Variants in CTNNAL1 observed in about 807,000 individuals in gnomAD.
CTNNAL1 encodes the protein catenin alpha like 1.
CTNNAL1 carries 69 observed loss-of-function variants against 93.6 expected under a neutral mutation model. The ratio of observed to expected loss-of-function variants is 0.74; its 90% CI spans 0.61 to 0.90. The LOEUF (loss-of-function observed/expected upper bound fraction) is 0.90. Among genes scored for constraint, CTNNAL1 ranks in the 40% least tolerant of loss-of-function variants. CTNNAL1 has a pLI of 0.00. For missense variants in CTNNAL1, 836 were observed against 862.0 expected (o/e 0.97, Z 0.38); for synonymous variants, 286 against 305.4 (o/e 0.94, Z 0.66).
At chr9:108,956,871 G>A (rs566639612) in intron 11 of CTNNAL1, among the ~76,000 whole-genome samples, 1 of 152,044 alleles carries the variant, frequency 6.6e-6, no homozygotes, top group East Asian at 1.9e-4. Flanking sequence ...CATCTAGTCT[G>A]TACTGAGATG....
In CTNNAL1 at chr9:108,943,014, T is replaced by G; in HGVS notation, c.2086A>C (p.Met696Leu). The change falls in exon 18 of 19, where the codon ATG (methionine) becomes CTG (leucine). Residue 696 changes from methionine to leucine, a missense_variant. By Grantham distance (15) the Met-to-Leu change is conservative (BLOSUM62 2). Transcript: ENST00000325551. ...AGAAGTTGGACTAAGAGAGCCATCA[T>G]GGATCTTGTCTTCGTAATACACTTG... is the stretch of plus-strand genomic sequence containing the variant. ...VDKCITKTRS[M>L]MALLVQLLSL... The G allele has an allele frequency of 6.2e-7, 1 of 1,612,768 alleles. No homozygotes were observed. The highest frequency in any genetic ancestry group is 1.3e-5 in the African/African-American group (1 of 75,008).
At position 108,982,130 on chromosome 9, in the gene CTNNAL1, G is replaced by C. The variant is rs140275169; in HGVS notation, c.900+1015C>G. 2.6e-3 allele frequency among the ~76,000 whole-genome samples: 391 copies of C among 152,202 alleles called. 2 individuals are homozygous for C. Among genetic ancestry groups the C allele is most frequent in the South Asian group, 8.9e-3 (43 of 4,820 alleles). On this transcript the variant is annotated intron_variant, in intron 6 of 18. Coordinates refer to ENST00000325551, the MANE Select transcript of CTNNAL1 (RefSeq NM_003798.4). ...CTCAGACACTGCTCTTACCCAGAAA[G>C]CATCTTCACCATGTCTATGACTTCT...
At chr9:108,966,921 C>G (rs530034065) in intron 10 of CTNNAL1, among the ~76,000 whole-genome samples, 1 of 152,050 alleles carries the variant, frequency 6.6e-6, no homozygotes, top group Non-Finnish European at 1.5e-5. Context: ...CCAGACCCAA[C>G]CTACTGAAAT....
intron 9 of CTNNAL1, 79 bp downstream of exon 9, chr9:108,972,596 T>G: frequency 1.6e-6 from 2 of 1,235,226 alleles, no homozygotes; most frequent in Non-Finnish European, 2.3e-6. Context: ...AACCCAAAAC[T>G]GTATTTGTGT....
At chr9:109,012,140 A>T (rs1827222805) in intron 1 of CTNNAL1, among the ~76,000 whole-genome samples, 1 of 152,238 alleles carries the variant, frequency 6.6e-6, no homozygotes, top group Admixed American at 6.5e-5. Context: ...TGAAGAAAAT[A>T]GGGATGTTTA....
intron 3 of CTNNAL1, among the ~76,000 whole-genome samples, chr9:108,992,227 G>A (rs542069896): frequency 3.1e-4 from 47 of 152,240 alleles, no homozygotes; most frequent in African/African-American, 1.0e-3. Context: ...GATTCTCTAA[G>A]AGGAGACATT....
intron 3 of CTNNAL1, among the ~76,000 whole-genome samples, chr9:108,992,362 A>G (rs1831840619): frequency 6.6e-6 from 1 of 152,056 alleles, no homozygotes; most frequent in South Asian, 2.1e-4. Flanking sequence ...TTGCCAAATT[A>G]CTTACAATTA....
chr9:109,013,343 T>C lies in CTNNAL1; in HGVS notation c.100A>G (p.Thr34Ala), dbSNP rs1488812225. 6.6e-7 allele frequency: 1 copy of C among 1,514,698 alleles called. No homozygotes were observed. The allele number at this position is 1,514,698 out of a possible 1,614,324, so 93.8% of individuals were successfully genotyped here. ...FALDSGLEIK[T>A]RSVEQTLLPL... is the part of the protein sequence containing the mutation. ...AGTAGCGTCTGCTCCACCGAGCGAG[T>C]TTTGATCTCCAGTCCCGAGTCGAGG... Residue 34 changes from threonine (T) to alanine (A), a missense_variant, in exon 1 of 19, where the codon ACT becomes GCT. Transcript: ENST00000325551.
At chr9:108,969,685 C>T (rs1462698603) in intron 10 of CTNNAL1, among the ~76,000 whole-genome samples, 1 of 152,086 alleles carries the variant, frequency 6.6e-6, no homozygotes, top group Non-Finnish European at 1.5e-5. Context: ...TAGACTCTTG[C>T]TCTGTCACCC....
At chr9:108,982,622 A>G (rs1040193572) in intron 6 of CTNNAL1, among the ~76,000 whole-genome samples, 6 of 152,238 alleles carry the variant, frequency 3.9e-5, no homozygotes, top group Non-Finnish European at 7.3e-5. Context: ...CTATAACCAA[A>G]GACCAGTGTT....
At chr9:109,000,701 AG>A (rs1399791563) in intron 1 of CTNNAL1, among the ~76,000 whole-genome samples, 2 of 150,086 alleles carry the variant, frequency 1.3e-5, no homozygotes, top group Middle Eastern at 3.4e-3. Flanking sequence ...GAAACAGTGG[AG>A]GAAAAAAAAA....
At chr9:108,964,620 C>CAAGGAAAGAGATTCCATCCAAGTGG (rs1462920079) in intron 11 of CTNNAL1, among the ~76,000 whole-genome samples, 1 of 152,030 alleles carries the variant, frequency 6.6e-6, no homozygotes, top group African/African-American at 2.4e-5. Flanking sequence ...ATGTAGTCAT[C>CAAGGAAAGAGATTCCATCCAAGTGG]AAGGAAAGAG....
At chr9:109,004,379 G>A (rs10979650) in intron 1 of CTNNAL1, among the ~76,000 whole-genome samples, 8,187 of 152,234 alleles carry the variant, frequency 0.054, 354 homozygotes, top group East Asian at 0.15. Context: ...TTACAAATGA[G>A]GAAGTTGGAC....
Position 108,943,862 on chromosome 9 carries a change from A to G in CTNNAL1, c.1942-46T>C, listed in dbSNP as rs777140399. 3.1e-6 allele frequency: 5 copies of G among 1,605,134 alleles called. No homozygotes were observed. In the African/African-American group the frequency reaches 5.4e-5, roughly 17 times the overall value. On this transcript the variant is annotated intron_variant, in intron 16 of 18. Transcript: ENST00000325551. ...TTATAACAGCCCGCAACAAAACTCC[A>G]TCTTTAATACCTTAAACACATTTAT... is the stretch of plus-strand genomic sequence containing the variant.
At chr9:108,972,863 G>GCCCCCCCCCCCCC in intron 8 of CTNNAL1, 30 bp from the exon 9 acceptor site, 7 of 231,660 alleles carry the variant, frequency 3.0e-5, no homozygotes, top group Non-Finnish European at 5.0e-5. Flanking sequence ...TGGGGGGGTG[G>GCCCCCCCCCCCCC]GAGGGTGGAG....
intron 15 of CTNNAL1, among the ~76,000 whole-genome samples, chr9:108,946,582 C>T (rs1830410851): frequency 6.6e-6 from 1 of 152,132 alleles, no homozygotes; most frequent in Non-Finnish European, 1.5e-5. Context: ...TCTAGTCGTA[C>T]GTGATTTTAT....
At position 108,947,905 on chromosome 9, in the gene CTNNAL1, T is replaced by C. The variant is rs530711078; in HGVS notation, c.1884+281A>G. Among the ~76,000 whole-genome samples, 203 of 152,352 alleles carry C rather than the reference T, an allele frequency of 1.3e-3. 1 individual carries two copies. The highest frequency in any genetic ancestry group is 4.4e-3 in the African/African-American group (183 of 41,588). On this transcript the variant is annotated intron_variant, in intron 15 of 18. Transcript: ENST00000325551. ...TGCTTACAGGATATTTTCACCTACTTAGGTAAACCTAAAGCTTATTATTGC... is the reference window on the plus strand; with the variant it reads ...TGCTTACAGGATATTTTCACCTACTCAGGTAAACCTAAAGCTTATTATTGC...
At chr9:108,992,968 G>A (rs1234594419) in intron 2 of CTNNAL1, 149 bp from the exon 3 acceptor site, 3 of 866,758 alleles carry the variant, frequency 3.5e-6, no homozygotes, top group Non-Finnish European at 5.1e-6. Flanking sequence ...CTTGACGATT[G>A]TAGGGATTAT....
intron 2 of CTNNAL1, among the ~76,000 whole-genome samples, chr9:108,996,333 A>T (rs1379161522): frequency 1.3e-5 from 2 of 152,168 alleles, no homozygotes; most frequent in African/African-American, 4.8e-5. Context: ...AAAGAAAATG[A>T]TTCGTAGGGG....
Sources: gnomAD v4.1 joint callset for allele counts (sites outside exome capture counted in the v4.1 genomes callset) on GRCh38, gnomAD v4.1.1 for gene constraint, MANE v1.5 for transcripts, NCBI Gene and HGNC (gene_info 2026-07-23, HGNC 2026-07-21) for gene names.